SIK3: variants seen among roughly 807,000 people sequenced by gnomAD.
SIK3 encodes SIK family kinase 3.
In SIK3, 28 loss-of-function variants were observed where a neutral mutation model predicts 144.2. The observed-to-expected ratio is 0.19, with a 90% confidence interval of 0.14 to 0.27. The LOEUF (loss-of-function observed/expected upper bound fraction) is 0.27, where lower values mean the gene tolerates loss of function less well. SIK3 is among the 10% of genes least tolerant of loss of function. The pLI, the probability that SIK3 is intolerant of heterozygous loss-of-function variation, is 1.00. For missense variants in SIK3, 1,319 were observed against 1,776.0 expected (o/e 0.74, Z 4.62); for synonymous variants, 686 against 676.3 (o/e 1.01, Z -0.22).
chr11:116,984,692 AAC>A (rs976960356), intron 1 of SIK3, among the ~76,000 whole-genome samples: 4 of 146,836 alleles, frequency 2.7e-5, no homozygotes, highest in South Asian at 4.4e-4. Context: ...GAAAAAAAGC[AAC>A]ACACACACAC....
intron 1 of SIK3, among the ~76,000 whole-genome samples, chr11:117,066,728 T>C (rs1005280011): frequency 3.3e-5 from 5 of 151,990 alleles, no homozygotes; most frequent in Non-Finnish European, 7.4e-5. Context: ...AGAGACAGAG[T>C]GTCGCTTGTT....
At chr11:117,001,947 A>G (rs374547663) in intron 1 of SIK3, among the ~76,000 whole-genome samples, 3 of 152,218 alleles carry the variant, frequency 2.0e-5, no homozygotes, top group African/African-American at 7.2e-5. Flanking sequence ...GCAGAAACAA[A>G]TCCACACTCC....
chr11:117,029,779 G>C (rs1222403555), intron 1 of SIK3, among the ~76,000 whole-genome samples: 1 of 151,960 alleles, frequency 6.6e-6, no homozygotes, highest in African/African-American at 2.4e-5. Flanking sequence ...GTTGGATAAT[G>C]AGTTCAGTTT....
intron 16 of SIK3, 36 bp downstream of exon 16, chr11:116,863,632 T>G: frequency 1.9e-6 from 3 of 1,613,084 alleles, no homozygotes; most frequent in Non-Finnish European, 2.5e-6. Context: ...CTGTCACCCA[T>G]GCTCCTCCAG....
At chr11:117,023,597 CAAACAAACAAACAAA>C (rs1278630878) in intron 1 of SIK3, among the ~76,000 whole-genome samples, 20 of 38,242 alleles carry the variant, frequency 5.2e-4, no homozygotes, top group African/African-American at 2.9e-3. Flanking sequence ...AACAAACAAA[CAAACAAACAAACAAA>C]AAAAAAAAAA....
intron 1 of SIK3, among the ~76,000 whole-genome samples, chr11:117,009,398 T>C (rs374482185): frequency 6.6e-6 from 1 of 151,656 alleles, no homozygotes; most frequent in East Asian, 1.9e-4. Context: ...ATGAAAAACT[T>C]AGCCTAAAGT....
chr11:117,056,444 C>T (rs962969001), intron 1 of SIK3, among the ~76,000 whole-genome samples: 1 of 152,044 alleles, frequency 6.6e-6, no homozygotes, highest in East Asian at 1.9e-4. Context: ...TTAATGAGTG[C>T]AGCACACCAA....
At chr11:117,019,731 A>G (rs1045772341) in intron 1 of SIK3, among the ~76,000 whole-genome samples, 1 of 151,908 alleles carries the variant, frequency 6.6e-6, no homozygotes, top group Non-Finnish European at 1.5e-5. Context: ...CTCCTGCCTC[A>G]GCCTCCTGAG....
At chr11:116,870,991 A>T (rs1474104837) in intron 13 of SIK3, among the ~76,000 whole-genome samples, 2 of 152,198 alleles carry the variant, frequency 1.3e-5, no homozygotes, top group Non-Finnish European at 2.9e-5. Context: ...TATTAATGTG[A>T]TTTCCGGAGT....
chr11:116,927,533 A>G (rs1268722552), intron 3 of SIK3, among the ~76,000 whole-genome samples, 153 bp from the exon 4 acceptor site: 1 of 152,266 alleles, frequency 6.6e-6, no homozygotes, highest in Non-Finnish European at 1.5e-5. Flanking sequence ...CCTGGTTTGC[A>G]TCTATCAAAA....
intron 3 of SIK3, among the ~76,000 whole-genome samples, chr11:116,947,170 T>TATTATTTATATATAATATATAATATATA (rs1565486974): frequency 2.5e-4 from 29 of 116,580 alleles, no homozygotes; most frequent in African/African-American, 7.9e-4. Flanking sequence ...ATATATAAAT[T>TATTATTTATATATAATATATAATATATA]ATTATTTATA....
At chr11:116,997,792 G>A (rs1014816461) in intron 1 of SIK3, among the ~76,000 whole-genome samples, 4 of 152,162 alleles carry the variant, frequency 2.6e-5, no homozygotes, top group Admixed American at 1.3e-4. Flanking sequence ...GATCTCATAC[G>A]ACCAGGACAG....
At chr11:116,907,774 C>T (rs1468041936) in intron 4 of SIK3, among the ~76,000 whole-genome samples, 5 of 152,106 alleles carry the variant, frequency 3.3e-5, no homozygotes, top group Admixed American at 2.6e-4. Flanking sequence ...AGGAATACTG[C>T]GTCAAGTTTC....
At chr11:117,085,932 C>T (rs1273533498) in intron 1 of SIK3, among the ~76,000 whole-genome samples, 1 of 152,128 alleles carries the variant, frequency 6.6e-6, no homozygotes, top group South Asian at 2.1e-4. Flanking sequence ...CCAGCCTGGG[C>T]GACAGAGCAA....
intron 14 of SIK3, 150 bp downstream of exon 14, chr11:116,870,181 T>A (rs542906308): frequency 1.9e-6 from 3 of 1,541,372 alleles, no homozygotes; most frequent in Non-Finnish European, 2.6e-6. Context: ...TACTTCCATG[T>A]GGGGTGGAAC....
At chr11:116,955,479 T>C (rs1316036095) in intron 2 of SIK3, among the ~76,000 whole-genome samples, 6 of 152,228 alleles carry the variant, frequency 3.9e-5, no homozygotes, top group African/African-American at 7.2e-5. Flanking sequence ...AAGAAGGCAC[T>C]GCTCAAAGCT....
rs535181471 is a variant in SIK3, at chr11:116,846,565, A to G, written c.3953-12T>C. ...GCTTGCCCCACATTCTGCAAGACCAAAAAGAACGTATGAGGTTGGCAGGGA... is the reference window on the plus strand; with the variant it reads ...GCTTGCCCCACATTCTGCAAGACCAGAAAGAACGTATGAGGTTGGCAGGGA... On this transcript the variant is annotated splice_polypyrimidine_tract_variant and intron_variant, in intron 23 of 24. Transcript: ENST00000445177. This position sits in a 1 kb window ranked among gnomAD's most constrained non-coding sequence, Gnocchi z 4.1. 1.2e-6 allele frequency: 2 copies of G among 1,614,030 alleles called. No individual in the cohort carries two copies. The highest frequency in any genetic ancestry group is 2.2e-5 in the East Asian group (1 of 44,874).
intron 1 of SIK3, among the ~76,000 whole-genome samples, chr11:116,971,744 CTT>C (rs1012570664): frequency 6.7e-6 from 1 of 150,014 alleles, no homozygotes; most frequent in Non-Finnish European, 1.5e-5. Context: ...AAACAGGAGT[CTT>C]TCTCTTTTTT....
At chr11:117,019,707 G>A (rs561316312) in intron 1 of SIK3, among the ~76,000 whole-genome samples, 92 of 151,750 alleles carry the variant, frequency 6.1e-4, no homozygotes, top group Non-Finnish European at 1.0e-3. Context: ...TCTGCCTCCC[G>A]GGTTCACGTG....
Sources: allele counts gnomAD v4.1 joint callset (sites outside exome capture counted in the v4.1 genomes callset), GRCh38; gene constraint gnomAD v4.1.1; non-coding constraint Gnocchi (gnomAD v3.1); transcripts MANE v1.5; gene names NCBI Gene and HGNC (gene_info 2026-07-23, HGNC 2026-07-21).